Variants in CLSTN2 observed in about 807,000 individuals in gnomAD.
The protein encoded by CLSTN2 is calsyntenin 2, also known as calsyntenin-2.
In CLSTN2, 48 loss-of-function variants were observed where a neutral mutation model predicts 101.2. The ratio of observed to expected loss-of-function variants is 0.47; its 90% CI spans 0.38 to 0.60. The LOEUF is 0.60. CLSTN2 is among the 20% of genes least tolerant of loss of function. The pLI is 0.00. For synonymous variants in CLSTN2, 481 were observed against 463.6 expected (o/e 1.04, Z -0.48); for missense variants, 1,160 against 1,238.2 (o/e 0.94, Z 0.95).
intron 2 of CLSTN2, among the ~76,000 whole-genome samples, chr3:140,389,804 AC>A (rs972580588): frequency 1.1e-4 from 17 of 152,058 alleles, no homozygotes; most frequent in African/African-American, 4.1e-4. Flanking sequence ...TTGTTTCTTG[AC>A]CTTTTAATAT....
At chr3:139,969,695 T>C (rs755510257) in intron 1 of CLSTN2, among the ~76,000 whole-genome samples, 13 of 152,304 alleles carry the variant, frequency 8.5e-5, no homozygotes, top group East Asian at 1.9e-4. Flanking sequence ...GCTTTGTGCA[T>C]GTTGTGTGCT....
At chr3:140,292,710 T>C (rs571559677) in intron 2 of CLSTN2, among the ~76,000 whole-genome samples, 161 of 152,294 alleles carry the variant, frequency 1.1e-3, no homozygotes, top group Non-Finnish European at 1.9e-3. Flanking sequence ...TCTCTCAGGC[T>C]CAATTTTATC....
intron 2 of CLSTN2, among the ~76,000 whole-genome samples, chr3:140,216,108 C>A (rs375740092): frequency 1.3e-4 from 20 of 152,110 alleles, no homozygotes; most frequent in Admixed American, 8.5e-4. Flanking sequence ...GGCGCATGAA[C>A]CCTATTGTGA....
intron 1 of CLSTN2, among the ~76,000 whole-genome samples, chr3:139,988,413 G>T (rs931981896): frequency 1.3e-5 from 2 of 152,154 alleles, no homozygotes; most frequent in African/African-American, 4.8e-5. Context: ...TTCCACATAC[G>T]GTGACCACTT....
At chr3:140,345,841 C>A (rs1030288090) in intron 2 of CLSTN2, among the ~76,000 whole-genome samples, 1 of 152,152 alleles carries the variant, frequency 6.6e-6, no homozygotes, top group African/African-American at 2.4e-5. Context: ...CCGGATGGTA[C>A]TTTAAAGTCA....
chr3:139,987,892 C>T (rs1239019209), intron 1 of CLSTN2, among the ~76,000 whole-genome samples: 1 of 152,202 alleles, frequency 6.6e-6, no homozygotes, highest in African/African-American at 2.4e-5. Flanking sequence ...TCTTGTATAA[C>T]AGCTGCCACA....
chr3:140,305,023 G>GACACACACAC lies in CLSTN2; in HGVS notation c.233-98583_233-98574dup, dbSNP rs374893786. Among the ~76,000 whole-genome samples, 380 of 143,160 alleles carry GACACACACAC rather than the reference G, an allele frequency of 2.7e-3. 1 individual carries two copies. The highest frequency in any genetic ancestry group is 4.9e-3 in the African/African-American group (189 of 38,296). 93.9% of individuals were successfully genotyped at this position (143,160 alleles called of 152,430 possible). On this transcript the variant is annotated intron_variant, in intron 2 of 16. Transcript: ENST00000458420. ...GACATAGCTGTCACACACACACAGAGACACACACACACACACACACACACA... is the reference window on the plus strand; with the variant it reads ...GACATAGCTGTCACACACACACAGAGACACACACACACACACACACACACACACACACACA...
Position 140,562,960 on chromosome 3 carries a change from A to T in CLSTN2, c.2358+4A>T, listed in dbSNP as rs1475778737. 6.2e-7 allele frequency: 1 copy of T among 1,614,022 alleles called. No homozygotes were observed. Among genetic ancestry groups the T allele is most frequent in the African/African-American group, 1.3e-5 (1 of 75,028 alleles). On this transcript the variant is annotated splice_donor_region_variant and intron_variant, in intron 14 of 16. Coordinates refer to ENST00000458420, the MANE Select transcript of CLSTN2 (RefSeq NM_022131.3). ...TAGCAATGAGTTCAACTTGGAGGTG[A>T]GTGGGTCCTGCCATTGTTAGGGAAG...
At chr3:139,940,144 C>G (rs1935100143) in intron 1 of CLSTN2, among the ~76,000 whole-genome samples, 1 of 152,214 alleles carries the variant, frequency 6.6e-6, no homozygotes, top group Non-Finnish European at 1.5e-5. Flanking sequence ...CTCCTGGTAT[C>G]TCCAGAGCCT....
intron 2 of CLSTN2, among the ~76,000 whole-genome samples, chr3:140,176,337 G>T (rs770108717): frequency 6.6e-6 from 1 of 152,168 alleles, no homozygotes. Flanking sequence ...GTAAATTGCT[G>T]AAGTGGCCTG....
At chr3:140,275,355 C>T (rs150301988) in intron 2 of CLSTN2, among the ~76,000 whole-genome samples, 1 of 152,014 alleles carries the variant, frequency 6.6e-6, no homozygotes, top group Non-Finnish European at 1.5e-5. Flanking sequence ...TCACTGCAGA[C>T]TTCAACTCCT....
At chr3:140,318,933 C>T (rs2087256865) in intron 2 of CLSTN2, among the ~76,000 whole-genome samples, 1 of 152,148 alleles carries the variant, frequency 6.6e-6, no homozygotes, top group Non-Finnish European at 1.5e-5. Flanking sequence ...ATTTACTTTT[C>T]TTCCCTTCAA....
chr3:140,256,552 T>C (rs928940605), intron 2 of CLSTN2, among the ~76,000 whole-genome samples: 7 of 152,202 alleles, frequency 4.6e-5, no homozygotes. Context: ...TCAAAAATAG[T>C]TGTTTACCTT....
At chr3:140,149,805 A>G (rs565297860) in intron 1 of CLSTN2, among the ~76,000 whole-genome samples, 1 of 152,320 alleles carries the variant, frequency 6.6e-6, no homozygotes, top group South Asian at 2.1e-4. Flanking sequence ...TTGTATAAAC[A>G]TACTTATGCT....
intron 2 of CLSTN2, among the ~76,000 whole-genome samples, chr3:140,403,421 C>A (rs1322021663): frequency 6.6e-6 from 1 of 152,126 alleles, no homozygotes; most frequent in African/African-American, 2.4e-5. Flanking sequence ...AAATGCAGAT[C>A]CAGTTCAGGA....
chr3:140,235,236 T>G (rs535925099), intron 2 of CLSTN2, among the ~76,000 whole-genome samples: 1 of 152,206 alleles, frequency 6.6e-6, no homozygotes, highest in Admixed American at 6.5e-5. Context: ...ATGGACTGAT[T>G]AATGTACATT....
At chr3:140,401,158 G>A (rs1426459985) in intron 2 of CLSTN2, among the ~76,000 whole-genome samples, 2 of 152,252 alleles carry the variant, frequency 1.3e-5, no homozygotes. Flanking sequence ...TGAGGTGGAT[G>A]AATAAATGAA....
intron 2 of CLSTN2, among the ~76,000 whole-genome samples, chr3:140,263,398 G>C (rs943246783): frequency 6.6e-6 from 1 of 152,142 alleles, no homozygotes; most frequent in Non-Finnish European, 1.5e-5. Context: ...CAGGCACCCA[G>C]CTGGAAGATG....
rs200276598 is a variant in CLSTN2, at chr3:140,097,943, G to A, written c.110-78008G>A. On this transcript the variant is annotated intron_variant, in intron 1 of 16. Coordinates refer to ENST00000458420, the MANE Select transcript of CLSTN2 (RefSeq NM_022131.3). ...AATGAAAGTTTATTTCCTGCTATTC[G>A]TCCCAGAGAAATGAATTTTGTAAAT... Among the ~76,000 whole-genome samples the A allele has an allele frequency of 7.2e-5, 11 of 151,914 alleles. No individual in the cohort carries two copies. In the East Asian group the frequency reaches 9.6e-4, roughly 13 times the overall value.
Sources: allele counts gnomAD v4.1 joint callset (sites outside exome capture counted in the v4.1 genomes callset), GRCh38; gene constraint gnomAD v4.1.1; transcripts MANE v1.5; gene names NCBI Gene and HGNC (gene_info 2026-07-23, HGNC 2026-07-21).